PAAF1: variants seen among roughly 807,000 people sequenced by gnomAD.
The protein encoded by PAAF1 is proteasomal ATPase associated factor 1.
PAAF1 carries 46 observed loss-of-function variants against 52.8 expected under a neutral mutation model. That is an observed-to-expected ratio of 0.87 (90% CI 0.69 to 1.11). The LOEUF is 1.11. PAAF1 is among the 50% of genes most tolerant of loss of function. The pLI is 0.00. For synonymous variants in PAAF1, 178 were observed against 172.8 expected (o/e 1.03, Z -0.24); for missense variants, 424 against 477.4 (o/e 0.89, Z 1.04).
Position 73,927,494 on chromosome 11 carries a change from C to A in PAAF1, c.*132C>A, listed in dbSNP as rs1358700164. ...GCACCCCTTGGAAATCACAGAAAGT[C>A]AGCTGTACTGGCCGTGTGGAACTCT... is the stretch of plus-strand genomic sequence containing the variant. On this transcript the variant is annotated 3_prime_UTR_variant, in exon 12 of 12. Transcript: ENST00000310571. 4.0e-6 allele frequency: 3 copies of A among 751,280 alleles called. No homozygotes were observed. The highest frequency in any genetic ancestry group is 6.8e-6 in the Non-Finnish European group (3 of 442,876). 46.5% of individuals were successfully genotyped at this position (751,280 alleles called of 1,614,324 possible). A position where few individuals can be genotyped will look rare whatever the true frequency, so the allele number is the denominator to read the frequency against.
rs183353725 is a variant in PAAF1, at chr11:73,911,104, C to T, written c.727+1511C>T. Among the ~76,000 whole-genome samples the T allele has an allele frequency of 3.3e-5, 5 of 151,918 alleles. No individual in the cohort carries two copies. In the East Asian group the frequency reaches 7.7e-4, roughly 23 times the overall value. ...CCCCACCAGAGTGGTACATTTATTA[C>T]AGCTGATGAACCTACGTGACACATT... On this transcript the variant is annotated intron_variant, in intron 7 of 11. Coordinates refer to ENST00000310571, the MANE Select transcript of PAAF1 (RefSeq NM_025155.3).
intron 4 of PAAF1, among the ~76,000 whole-genome samples, chr11:73,897,876 C>T (rs990536197): frequency 1.8e-5 from 2 of 109,300 alleles, no homozygotes; most frequent in African/African-American, 1.0e-4. Context: ...CACCACTGCA[C>T]TCCAGCCTGG....
intron 4 of PAAF1, among the ~76,000 whole-genome samples, chr11:73,897,758 C>T (rs1949453301): frequency 6.6e-6 from 1 of 152,138 alleles, no homozygotes; most frequent in African/African-American, 2.4e-5. Context: ...GGCAGAGATG[C>T]TCCTCACTTC....
chr11:73,889,904 A>G (rs1200297693), intron 3 of PAAF1, among the ~76,000 whole-genome samples: 2 of 152,194 alleles, frequency 1.3e-5, no homozygotes, highest in East Asian at 1.9e-4. Context: ...GTTTGTGTAG[A>G]TAGTCTAATT....
At chr11:73,885,024 T>C (rs1949022394) in intron 2 of PAAF1, among the ~76,000 whole-genome samples, 1 of 151,526 alleles carries the variant, frequency 6.6e-6, no homozygotes, top group Admixed American at 6.6e-5. Flanking sequence ...TACGCCCGGC[T>C]AATTTTTTGT....
At chr11:73,896,009 T>A (rs1429237796) in intron 4 of PAAF1, among the ~76,000 whole-genome samples, 2 of 152,176 alleles carry the variant, frequency 1.3e-5, no homozygotes, top group African/African-American at 4.8e-5. Context: ...ATTGGGAAGC[T>A]CAGGCAGGAG....
intron 4 of PAAF1, among the ~76,000 whole-genome samples, chr11:73,894,933 G>A (rs1591064647): frequency 6.6e-6 from 1 of 152,186 alleles, no homozygotes; most frequent in Admixed American, 6.5e-5. Context: ...GCAGTGAGCT[G>A]TGATTGTGCC....
In PAAF1 at chr11:73,928,390, G is replaced by A. The variant is rs1950410739; in HGVS notation, c.*1028G>A. 6.6e-6 allele frequency: 1 copy of A among 152,198 alleles called. No homozygotes were observed. Among genetic ancestry groups the A allele is most frequent in the South Asian group, 2.1e-4 (1 of 4,828 alleles). The allele number at this position is 152,198 out of a possible 1,614,324, so 9.4% of individuals were successfully genotyped here. Reference sequence around the variant, plus strand: ...TAAGGAGCTCAGACTTTACGTGGTTGGCAGTGGGGAACCACTGAAGGGTTT... The same window carrying A: ...TAAGGAGCTCAGACTTTACGTGGTTAGCAGTGGGGAACCACTGAAGGGTTT... On this transcript the variant is annotated 3_prime_UTR_variant, in exon 12 of 12. Coordinates refer to ENST00000310571, the MANE Select transcript of PAAF1 (RefSeq NM_025155.3).
chr11:73,916,707 A>C lies in PAAF1; in HGVS notation c.935+47A>C, dbSNP rs764520434. ...TGATGCAGGTCTTCTGCAGAGTGGA[A>C]ATTTTTATTGGCTTTAACATTGATT... On this transcript the variant is annotated intron_variant, in intron 9 of 11. Transcript: ENST00000310571. 7 of 1,348,510 alleles carry C rather than the reference A, an allele frequency of 5.2e-6. No homozygotes were observed. In the African/African-American group the frequency reaches 1.0e-4, roughly 19 times the overall value. The allele number at this position is 1,348,510 out of a possible 1,614,324, so 83.5% of individuals were successfully genotyped here. A position where few individuals can be genotyped will look rare whatever the true frequency, so the allele number is the denominator to read the frequency against.
chr11:73,922,342 A>G (rs898830864), intron 10 of PAAF1: 33 of 357,908 alleles, frequency 9.2e-5, no homozygotes, highest in Non-Finnish European at 1.4e-4. Context: ...GGACAAAACT[A>G]AGACCAATAA....
intron 4 of PAAF1, among the ~76,000 whole-genome samples, chr11:73,892,273 T>C (rs924418717): frequency 3.5e-5 from 5 of 144,906 alleles, no homozygotes; most frequent in Non-Finnish European, 6.0e-5. Context: ...CAGTGAGCCA[T>C]GATCATGCCA....
rs143998339 is a variant in PAAF1, at chr11:73,891,195, A to G, written c.276A>G (p.Thr92=). 3,862 of 1,537,612 alleles carry G rather than the reference A, an allele frequency of 2.5e-3. 12 individuals are homozygous for G. The highest frequency in any genetic ancestry group is 2.9e-3 in the Non-Finnish European group (3,220 of 1,116,530). ...APYTTFSRIH[T]KSITCLDISS... ...ATACTACTTTTTCCAGAATTCATACAAAGAGTGTAAGTATTTTGATAAAAT... is the reference window on the plus strand; with the variant it reads ...ATACTACTTTTTCCAGAATTCATACGAAGAGTGTAAGTATTTTGATAAAAT... Residue 92 remains threonine, a synonymous_variant, in exon 4 of 12, where the codon ACA becomes ACG. Transcript: ENST00000310571.
At chr11:73,917,765 G>C (rs1950105396) in intron 9 of PAAF1, among the ~76,000 whole-genome samples, 1 of 152,170 alleles carries the variant, frequency 6.6e-6, no homozygotes, top group South Asian at 2.1e-4. Context: ...CCAGGTACTG[G>C]GGGGCTGAGG....
At chr11:73,920,222 T>A (rs1401840250) in intron 10 of PAAF1, among the ~76,000 whole-genome samples, 1 of 152,104 alleles carries the variant, frequency 6.6e-6, no homozygotes, top group African/African-American at 2.4e-5. Context: ...TAATATTTTT[T>A]ATATATTTTT....
chr11:73,918,041 C>T (rs1189898553), intron 9 of PAAF1, among the ~76,000 whole-genome samples: 1 of 152,072 alleles, frequency 6.6e-6, no homozygotes, highest in African/African-American at 2.4e-5. Context: ...GACTGCTTCT[C>T]CAAGGAAATG....
intron 10 of PAAF1, chr11:73,921,541 A>C (rs191167000): frequency 3.7e-6 from 2 of 536,116 alleles, no homozygotes; most frequent in East Asian, 1.0e-4. Flanking sequence ...TTTCAAGTAA[A>C]GACATGGTCT....
intron 9 of PAAF1, among the ~76,000 whole-genome samples, chr11:73,917,074 G>C (rs1424104630): frequency 6.6e-6 from 1 of 152,124 alleles, no homozygotes; most frequent in Non-Finnish European, 1.5e-5. Flanking sequence ...AGGCTGGAGT[G>C]CAGTGGTGCT....
intron 4 of PAAF1, among the ~76,000 whole-genome samples, 179 bp downstream of exon 4, chr11:73,891,380 T>C (rs555657333): frequency 1.3e-5 from 2 of 152,240 alleles, no homozygotes; most frequent in Admixed American, 6.5e-5. Flanking sequence ...CTAGTCCACA[T>C]AGAATATGTG....
chr11:73,900,192 G>A, intron 5 of PAAF1, 78 bp from the exon 6 acceptor site: 1 of 1,455,660 alleles, frequency 6.9e-7, no homozygotes. Context: ...TTCATATAAG[G>A]GACCAGAGTA....
Sources: allele counts gnomAD v4.1 joint callset (sites outside exome capture counted in the v4.1 genomes callset), GRCh38; gene constraint gnomAD v4.1.1; transcripts MANE v1.5; gene names NCBI Gene and HGNC (gene_info 2026-07-23, HGNC 2026-07-21).